SEMA3E: variants seen among roughly 807,000 people sequenced by gnomAD.
The protein encoded by SEMA3E is semaphorin-3E.
SEMA3E carries 49 observed loss-of-function variants against 93.6 expected under a neutral mutation model. The ratio of observed to expected loss-of-function variants is 0.52; its 90% CI spans 0.42 to 0.66. The LOEUF is 0.66. Among genes scored for constraint, SEMA3E ranks in the 30% least tolerant of loss-of-function variants. SEMA3E has a pLI of 0.00. For synonymous variants in SEMA3E, 363 were observed against 330.7 expected (o/e 1.10, Z -1.06); for missense variants, 906 against 964.8 (o/e 0.94, Z 0.81).
intron 1 of SEMA3E, among the ~76,000 whole-genome samples, chr7:83,636,996 T>G (rs1230659667): frequency 6.6e-6 from 1 of 151,656 alleles, no homozygotes; most frequent in East Asian, 1.9e-4. Context: ...TCTTGAGAAC[T>G]GGGTTTGACT....
intron 1 of SEMA3E, among the ~76,000 whole-genome samples, chr7:83,623,593 C>A (rs1040577473): frequency 4.0e-5 from 6 of 151,066 alleles, no homozygotes; most frequent in African/African-American, 1.5e-4. Context: ...AACATTTCTG[C>A]TTTATAAATC....
chr7:83,560,878 A>G (rs1792017490), intron 1 of SEMA3E, among the ~76,000 whole-genome samples: 2 of 152,170 alleles, frequency 1.3e-5, no homozygotes, highest in Admixed American at 1.3e-4. Context: ...TTTATAAAGT[A>G]CGTAACAGAT....
At chr7:83,642,722 T>C (rs1794030403) in intron 1 of SEMA3E, among the ~76,000 whole-genome samples, 1 of 152,122 alleles carries the variant, frequency 6.6e-6, no homozygotes, top group African/African-American at 2.4e-5. Flanking sequence ...AAGTGTCATA[T>C]GTTACACTAG....
At chr7:83,474,524 A>C (rs1165324581) in intron 2 of SEMA3E, among the ~76,000 whole-genome samples, 2 of 152,212 alleles carry the variant, frequency 1.3e-5, no homozygotes, top group Non-Finnish European at 2.9e-5. Context: ...CTTTAAGTGA[A>C]AACACAGTTT....
At chr7:83,437,235 AAAT>A (rs951538426) in intron 4 of SEMA3E, among the ~76,000 whole-genome samples, 4 of 152,224 alleles carry the variant, frequency 2.6e-5, no homozygotes, top group East Asian at 1.9e-4. Flanking sequence ...GTCATCCAAA[AAAT>A]AATAATAATA....
Position 83,396,749 on chromosome 7 carries a change from G to A in SEMA3E, c.1367-20C>T, listed in dbSNP as rs1788131091. On this transcript the variant is annotated intron_variant, in intron 11 of 16. Coordinates refer to ENST00000643230, the MANE Select transcript of SEMA3E (RefSeq NM_012431.3). ...CATTATCTGTAAGAAAACAAAACAA[G>A]AAATAAACTAGAATCTATGTCACAG... 2.6e-6 allele frequency: 4 copies of A among 1,513,444 alleles called. No homozygotes were observed. The highest frequency in any genetic ancestry group is 1.7e-5 in the Admixed American group (1 of 59,018). 93.8% of individuals were successfully genotyped at this position (1,513,444 alleles called of 1,614,324 possible). A position where few individuals can be genotyped will look rare whatever the true frequency, so the allele number is the denominator to read the frequency against.
chr7:83,481,738 A>T, intron 2 of SEMA3E, among the ~76,000 whole-genome samples: 1 of 152,226 alleles, frequency 6.6e-6, no homozygotes, highest in East Asian at 1.9e-4. Flanking sequence ...TGAGTTAAAT[A>T]ATTTAGAAAG....
intron 2 of SEMA3E, among the ~76,000 whole-genome samples, chr7:83,485,860 T>G (rs1469581107): frequency 6.6e-6 from 1 of 152,134 alleles, no homozygotes; most frequent in Non-Finnish European, 1.5e-5. Context: ...TATTTTATTA[T>G]ATGTTCTAAT....
intron 1 of SEMA3E, among the ~76,000 whole-genome samples, chr7:83,520,616 C>G (rs548514866): frequency 6.6e-6 from 1 of 152,112 alleles, no homozygotes; most frequent in African/African-American, 2.4e-5. Flanking sequence ...AAAAACAAAA[C>G]CCACCTCTAT....
At chr7:83,613,796 A>T (rs1193889377) in intron 1 of SEMA3E, among the ~76,000 whole-genome samples, 1 of 152,116 alleles carries the variant, frequency 6.6e-6, no homozygotes, top group African/African-American at 2.4e-5. Flanking sequence ...TTTTCCACTG[A>T]AACTACATAT....
intron 2 of SEMA3E, among the ~76,000 whole-genome samples, chr7:83,475,838 A>G (rs552256772): frequency 1.6e-4 from 25 of 152,336 alleles, no homozygotes; most frequent in African/African-American, 5.5e-4. Context: ...TAGGATTGCC[A>G]GAACATGCAT....
At chr7:83,587,382 G>A (rs1184652893) in intron 1 of SEMA3E, among the ~76,000 whole-genome samples, 1 of 152,104 alleles carries the variant, frequency 6.6e-6, no homozygotes, top group Non-Finnish European at 1.5e-5. Context: ...TGGCATACCA[G>A]TTCATTTTAC....
chr7:83,428,448 T>C (rs963047416), intron 4 of SEMA3E, among the ~76,000 whole-genome samples: 4 of 152,152 alleles, frequency 2.6e-5, no homozygotes, highest in African/African-American at 4.8e-5. Flanking sequence ...CAATGGAAAA[T>C]AGGTGAAAGT....
At chr7:83,597,462 T>C (rs2115968935) in intron 1 of SEMA3E, among the ~76,000 whole-genome samples, 1 of 152,314 alleles carries the variant, frequency 6.6e-6, no homozygotes, top group African/African-American at 2.4e-5. Context: ...AAATCAATGC[T>C]CTGTATTAGC....
In SEMA3E at chr7:83,531,684, A is replaced by T. The variant is rs1584312981; in HGVS notation, c.116-41410T>A. ...AATATTCTTAATAGAGACATCTTCAAATATCCATATTTTTCTTTCATGTTT... is the reference window on the plus strand; with the variant it reads ...AATATTCTTAATAGAGACATCTTCATATATCCATATTTTTCTTTCATGTTT... On this transcript the variant is annotated intron_variant, in intron 1 of 16. Transcript: ENST00000643230. Among the ~76,000 whole-genome samples the T allele has an allele frequency of 3.3e-5, 5 of 152,302 alleles. No homozygotes were observed. In the South Asian group the frequency reaches 8.3e-4, roughly 25 times the overall value.
intron 1 of SEMA3E, among the ~76,000 whole-genome samples, chr7:83,574,411 T>C (rs1375383909): frequency 6.8e-6 from 1 of 146,044 alleles, no homozygotes; most frequent in Non-Finnish European, 1.5e-5. Context: ...ATATACACAA[T>C]GAGTGAGGCC....
intron 2 of SEMA3E, among the ~76,000 whole-genome samples, chr7:83,484,763 A>G (rs563858818): frequency 6.6e-6 from 1 of 152,236 alleles, no homozygotes; most frequent in South Asian, 2.1e-4. Flanking sequence ...GTATTTCCTA[A>G]TTCTATACTC....
At chr7:83,499,074 T>C (rs1790546896) in intron 1 of SEMA3E, among the ~76,000 whole-genome samples, 1 of 152,202 alleles carries the variant, frequency 6.6e-6, no homozygotes, top group Non-Finnish European at 1.5e-5. Context: ...TAGAAGTATT[T>C]CTGTATCAAA....
chr7:83,494,586 G>A (rs1180537108), intron 1 of SEMA3E, among the ~76,000 whole-genome samples: 1 of 151,758 alleles, frequency 6.6e-6, no homozygotes, highest in Non-Finnish European at 1.5e-5. Flanking sequence ...ATGTAAAGGT[G>A]AGGACAGAAA....
Sources: gnomAD v4.1 joint callset for allele counts (sites outside exome capture counted in the v4.1 genomes callset) on GRCh38, gnomAD v4.1.1 for gene constraint, MANE v1.5 for transcripts, NCBI Gene and HGNC (gene_info 2026-07-23, HGNC 2026-07-21) for gene names.